TBC1D17: variants seen among roughly 807,000 people sequenced by gnomAD.
The protein encoded by TBC1D17 is TBC1 domain family, member 17.
Under a neutral mutation model 78.8 loss-of-function variants are expected in TBC1D17, and 69 were observed. That is an observed-to-expected ratio of 0.88 (90% CI 0.72 to 1.07). The LOEUF is 1.07. Ranked by LOEUF, TBC1D17 falls within the 50% of genes least tolerant of loss-of-function variation. The pLI, the probability that TBC1D17 is intolerant of heterozygous loss-of-function variation, is 0.00. For missense variants in TBC1D17, 957 were observed against 861.0 expected (o/e 1.11, Z -1.39); for synonymous variants, 456 against 358.3 (o/e 1.27, Z -3.08).
At chr19:49,887,667 G>A in intron 14 of TBC1D17, 51 bp from the exon 15 acceptor site, 2 of 1,609,734 alleles carry the variant, frequency 1.2e-6, no homozygotes, top group South Asian at 2.2e-5. Flanking sequence ...TGGGACCTCA[G>A]GCCCAGGCTG....
intron 13 of TBC1D17, chr19:49,887,171 G>C (rs2075065314): frequency 2.5e-6 from 1 of 404,292 alleles, no homozygotes. Context: ...GTATCTAGGA[G>C]TGTCAGTTCC....
At chr19:49,885,132 G>T (rs953252116) in intron 13 of TBC1D17, 7 of 274,888 alleles carry the variant, frequency 2.5e-5, no homozygotes, top group Non-Finnish European at 4.3e-5. Context: ...GGGGCTGGGG[G>T]TGCTGCATCC....
intron 10 of TBC1D17, 58 bp downstream of exon 10, chr19:49,883,803 C>A (rs1232836483): frequency 1.4e-6 from 2 of 1,470,062 alleles, no homozygotes; most frequent in Admixed American, 3.4e-5. Flanking sequence ...AGGAGGGCCT[C>A]AGGCATAAGT....
intron 10 of TBC1D17, among the ~76,000 whole-genome samples, 179 bp downstream of exon 10, chr19:49,883,924 G>A (rs1449753903): frequency 6.6e-6 from 1 of 152,174 alleles, no homozygotes; most frequent in Non-Finnish European, 1.5e-5. Flanking sequence ...CAAGGCCAGG[G>A]ACAGGATGGG....
At position 49,888,480 on chromosome 19, in the gene TBC1D17, C is replaced by T. The variant is rs1330232493; in HGVS notation, c.1803C>T (p.His601=). 6.3e-7 allele frequency: 1 copy of T among 1,590,134 alleles called. No individual in the cohort carries two copies. The highest frequency in any genetic ancestry group is 8.5e-7 in the Non-Finnish European group (1 of 1,173,078). The change falls in exon 17 of 17, where the codon CAC becomes CAT. Residue 601 remains histidine (H), a synonymous_variant. Coordinates refer to ENST00000221543, the MANE Select transcript of TBC1D17 (RefSeq NM_024682.3). The stretch of plus-strand genomic sequence containing the variant: ...GGCTGGCCCCGCCCGCAGAGCCCCA[C>T]AGCCCCTCGCCCACCGCCTCCCCGC... ...ILGLAPPAEP[H]SPSPTASPLP...
chr19:49,887,408 A>G (rs1447465020), intron 13 of TBC1D17, 68 bp from the exon 14 acceptor site: 1 of 1,502,400 alleles, frequency 6.7e-7, no homozygotes, highest in South Asian at 1.2e-5. Flanking sequence ...TCTTCCAGTC[A>G]GGATGACTTC....
At chr19:49,878,076 C>T in intron 1 of TBC1D17, 67 bp from the exon 2 acceptor site, 1 of 1,330,070 alleles carries the variant, frequency 7.5e-7, no homozygotes, top group African/African-American at 1.5e-5. Context: ...CTGGGCCCGT[C>T]CCTATTGGCT....
chr19:49,878,923 C>A (rs748534090), intron 3 of TBC1D17: 1 of 274,764 alleles, frequency 3.6e-6, no homozygotes, highest in Non-Finnish European at 7.0e-6. Context: ...TGACAGCCTA[C>A]TCACCCACTT....
intron 5 of TBC1D17, 71 bp from the exon 6 acceptor site, chr19:49,881,970 C>T: frequency 7.4e-7 from 1 of 1,359,298 alleles, no homozygotes; most frequent in Non-Finnish European, 1.0e-6. Flanking sequence ...CCGATGTCGG[C>T]CGAGCACAGA....
intron 3 of TBC1D17, among the ~76,000 whole-genome samples, chr19:49,879,686 C>G (rs991074501): frequency 6.0e-5 from 9 of 150,686 alleles, no homozygotes; most frequent in Non-Finnish European, 1.0e-4. Context: ...TTGTATTTAC[C>G]TGGTGAGTAC....
rs1198399608 is a variant in TBC1D17 at position 49,888,608 on chromosome 19, A to G, written c.1931A>G (p.Glu644Gly). The G allele has an allele frequency of 6.5e-7, 1 of 1,529,724 alleles. No homozygotes were observed. Among genetic ancestry groups the G allele is most frequent in the Non-Finnish European group, 8.8e-7 (1 of 1,142,270 alleles). 94.8% of individuals were successfully genotyped at this position (1,529,724 alleles called of 1,614,324 possible). ...GAGATCCTGCCCGAGGAGGAGGACG[A>G]GGGCGCCGACTCCTAACCCCGCCAG... ...SLEILPEEEDEGADS is the reference protein window; with the variant it reads ...SLEILPEEEDGGADS The change falls in exon 17 of 17, where the codon GAG becomes GGG. Residue 644 changes from glutamate to glycine, a missense_variant. Coordinates refer to ENST00000221543, the MANE Select transcript of TBC1D17 (RefSeq NM_024682.3).
intron 13 of TBC1D17, chr19:49,886,979 G>C (rs1442399087): frequency 1.1e-5 from 2 of 177,240 alleles, no homozygotes; most frequent in Admixed American, 1.1e-4. Context: ...ATTTTTAGTA[G>C]AGATGGGGTT....
intron 3 of TBC1D17, 130 bp downstream of exon 3, chr19:49,878,702 G>T: frequency 1.2e-6 from 1 of 813,334 alleles, no homozygotes; most frequent in East Asian, 2.7e-5. Flanking sequence ...TTTAGGCTTG[G>T]GTACTCTGCC....
intron 13 of TBC1D17, 22 bp downstream of exon 13, chr19:49,884,780 GCAGGAGACAATGGGGC>G (rs780937960): frequency 3.7e-6 from 6 of 1,608,308 alleles, no homozygotes; most frequent in Non-Finnish European, 5.1e-6. Flanking sequence ...GGGAGGGTGG[GCAGGAGACAATGGGGC>G]CATAGACCTT....
chr19:49,880,179 C>T, intron 3 of TBC1D17, 100 bp from the exon 4 acceptor site: 1 of 1,470,718 alleles, frequency 6.8e-7, no homozygotes, highest in Admixed American at 1.9e-5. Context: ...CTTTGTGCCT[C>T]AGTTTCCCTC....
intron 13 of TBC1D17, chr19:49,885,518 T>G (rs1343300417): frequency 2.7e-5 from 4 of 150,664 alleles, no homozygotes; most frequent in African/African-American, 9.8e-5. Context: ...GAAATTAAGA[T>G]GAAGAAGAAA....
In TBC1D17 at chr19:49,882,239, C is replaced by G. The variant is rs1279086828; in HGVS notation, c.640-3C>G. On this transcript the variant is annotated splice_region_variant and splice_polypyrimidine_tract_variant and intron_variant, in intron 6 of 16. Transcript: ENST00000221543. ...CGTGACCTCCCTTTGGCCTCGTCCC[C>G]AGCGCTTCCTCCAGGATCCCTACTC... 1 of 1,612,326 alleles carries G rather than the reference C, an allele frequency of 6.2e-7. No individual in the cohort carries two copies. Among genetic ancestry groups the G allele is most frequent in the Non-Finnish European group, 8.5e-7 (1 of 1,179,948 alleles).
At chr19:49,883,606 T>G in intron 9 of TBC1D17, 45 bp from the exon 10 acceptor site, 1 of 1,572,646 alleles carries the variant, frequency 6.4e-7, no homozygotes, top group Non-Finnish European at 8.7e-7. Flanking sequence ...CTCTGGGTGT[T>G]GCAGACAGTG....
At position 49,882,032 on chromosome 19, in the gene TBC1D17, G is replaced by A. The variant is rs781361013; in HGVS notation, c.528-9G>A. 121 of 1,611,368 alleles carry A rather than the reference G, an allele frequency of 7.5e-5. 1 individual carries two copies. The highest frequency in any genetic ancestry group is 9.6e-5 in the Non-Finnish European group (113 of 1,178,222). On this transcript the variant is annotated splice_polypyrimidine_tract_variant and intron_variant, in intron 5 of 16. Coordinates refer to ENST00000221543, the MANE Select transcript of TBC1D17 (RefSeq NM_024682.3). ...GTGCATCACCTGTGCGTCACCTCCC[G>A]CCTCCCAGCTCCCCGCAGGACTCCC...
Sources: allele counts gnomAD v4.1 joint callset (sites outside exome capture counted in the v4.1 genomes callset), GRCh38; gene constraint gnomAD v4.1.1; transcripts MANE v1.5; gene names NCBI Gene and HGNC (gene_info 2026-07-23, HGNC 2026-07-21).